Variants in KIAA2012 observed in about 807,000 individuals in gnomAD.
The protein encoded by KIAA2012 is KIAA2012.
A neutral mutation model predicts 150.6 loss-of-function variants in KIAA2012; 125 were observed. The ratio of observed to expected loss-of-function variants is 0.83; its 90% CI spans 0.72 to 0.96. KIAA2012 has a LOEUF of 0.96. KIAA2012 is among the 40% of genes least tolerant of loss of function. KIAA2012 has a pLI of 0.00. For synonymous variants in KIAA2012, 462 were observed against 504.7 expected, an observed-to-expected ratio of 0.92 and a Z score of 1.13; for missense variants, 1,219 against 1,354.9, an observed-to-expected ratio of 0.90 and a Z score of 1.57.
At chr2:202,188,758 C>T (rs1298178371) in intron 18 of KIAA2012, among the ~76,000 whole-genome samples, 1 of 152,166 alleles carries the variant, frequency 6.6e-6, no homozygotes, top group Admixed American at 6.5e-5. Flanking sequence ...ATAACTATAT[C>T]ACATAATCAG....
intron 5 of KIAA2012, 114 bp from the exon 6 acceptor site, chr2:202,099,499 C>A: frequency 2.4e-6 from 2 of 819,734 alleles, no homozygotes; most frequent in Non-Finnish European, 3.7e-6. Flanking sequence ...TCCCAACCTG[C>A]AAAAGAAATT....
At position 202,189,630 on chromosome 2, in the gene KIAA2012, T is replaced by C. The variant is rs370550918; in HGVS notation, c.2492-544T>C. Among the ~76,000 whole-genome samples, 44 of 152,206 alleles carry C rather than the reference T, an allele frequency of 2.9e-4. 1 individual carries two copies. The South Asian group carries it at 9.1e-3, about 32-fold the overall frequency. ...TAATAGCAAGACTGCTGAATGTCAG[T>C]TGATCCAAAGAGGATAAGGTAGTTT... On this transcript the variant is annotated intron_variant, in intron 18 of 23. Coordinates refer to ENST00000498697, the MANE Select transcript of KIAA2012 (RefSeq NM_001277372.4).
intron 2 of KIAA2012, among the ~76,000 whole-genome samples, chr2:202,089,491 T>C (rs564176209): frequency 2.0e-5 from 3 of 152,358 alleles, no homozygotes; most frequent in Non-Finnish European, 4.4e-5. Context: ...GATGTGAATT[T>C]TGAAGCCCTA....
At chr2:202,076,608 T>C (rs1013121786) in intron 2 of KIAA2012, among the ~76,000 whole-genome samples, 4 of 152,222 alleles carry the variant, frequency 2.6e-5, no homozygotes, top group Admixed American at 6.5e-5. Flanking sequence ...CTGTGCGATA[T>C]AGTTTTTCTT....
intron 23 of KIAA2012, among the ~76,000 whole-genome samples, chr2:202,203,243 G>GAAAATTTTGTAATGC (rs886466149): frequency 6.6e-6 from 1 of 152,090 alleles, no homozygotes; most frequent in Admixed American, 6.6e-5. Context: ...TTAGATAAAT[G>GAAAATTTTGTAATGC]AAAATTTTGT....
intron 15 of KIAA2012, among the ~76,000 whole-genome samples, chr2:202,174,834 A>G (rs146723885): frequency 2.0e-5 from 3 of 152,216 alleles, no homozygotes; most frequent in African/African-American, 7.2e-5. Context: ...TTTAGGGTAC[A>G]TGTGCACAAT....
At chr2:202,076,881 G>A (rs574093522) in intron 2 of KIAA2012, 2 of 438,246 alleles carry the variant, frequency 4.6e-6, no homozygotes, top group East Asian at 1.4e-4. Flanking sequence ...CAGGCAGGTT[G>A]ACCACAGGCT....
intron 2 of KIAA2012, among the ~76,000 whole-genome samples, chr2:202,086,807 T>C (rs1481517940): frequency 6.6e-6 from 1 of 152,226 alleles, no homozygotes; most frequent in Non-Finnish European, 1.5e-5. Flanking sequence ...AGCTGTCTCC[T>C]TCCCACTCTG....
intron 12 of KIAA2012, among the ~76,000 whole-genome samples, chr2:202,133,126 A>G (rs1187612214): frequency 1.4e-5 from 1 of 72,534 alleles, no homozygotes; most frequent in African/African-American, 5.6e-5. Context: ...ATATATATAT[A>G]TATATTTTTT....
chr2:202,196,206 T>C (rs1035076248), intron 21 of KIAA2012, among the ~76,000 whole-genome samples: 2 of 139,140 alleles, frequency 1.4e-5, no homozygotes, highest in Non-Finnish European at 3.1e-5. Flanking sequence ...TTTTTTTTTT[T>C]TTTTTTGAGA....
intron 11 of KIAA2012, 101 bp from the exon 12 acceptor site, chr2:202,125,113 C>T (rs941137529): frequency 4.3e-6 from 4 of 929,764 alleles, no homozygotes; most frequent in African/African-American, 1.7e-5. Flanking sequence ...AGCTTAAACA[C>T]TGAGGCAATC....
At chr2:202,195,025 C>T (rs1692390521) in intron 21 of KIAA2012, among the ~76,000 whole-genome samples, 1 of 151,874 alleles carries the variant, frequency 6.6e-6, no homozygotes, top group Non-Finnish European at 1.5e-5. Flanking sequence ...GCCTTGGCCT[C>T]CCAAAGTGCT....
intron 3 of KIAA2012, 133 bp downstream of exon 3, chr2:202,091,062 C>A: frequency 2.5e-6 from 3 of 1,193,582 alleles, no homozygotes; most frequent in Non-Finnish European, 3.4e-6. Context: ...AAAGTCCCCA[C>A]GCTTGGTAGC....
chr2:202,139,287 C>A (rs1691147810), intron 13 of KIAA2012, among the ~76,000 whole-genome samples: 1 of 150,894 alleles, frequency 6.6e-6, no homozygotes, highest in African/African-American at 2.4e-5. Context: ...CATATGTTCA[C>A]AAATATTTAT....
intron 4 of KIAA2012, among the ~76,000 whole-genome samples, chr2:202,094,255 C>T (rs1328774061): frequency 1.3e-5 from 2 of 152,228 alleles, no homozygotes; most frequent in African/African-American, 4.8e-5. Context: ...TGCACTGCAG[C>T]CTGGATGACA....
intron 12 of KIAA2012, among the ~76,000 whole-genome samples, chr2:202,126,255 C>T (rs1480882098): frequency 6.6e-6 from 1 of 151,980 alleles, no homozygotes; most frequent in African/African-American, 2.4e-5. Context: ...TCCTGGCCTC[C>T]TGGCTGCTTC....
At chr2:202,088,995 C>G (rs1336973596) in intron 2 of KIAA2012, among the ~76,000 whole-genome samples, 2 of 152,214 alleles carry the variant, frequency 1.3e-5, no homozygotes, top group Non-Finnish European at 2.9e-5. Context: ...ATCCAAGGCT[C>G]TTTCCCAAGC....
intron 10 of KIAA2012, among the ~76,000 whole-genome samples, chr2:202,112,128 T>A (rs1690374347): frequency 6.6e-6 from 1 of 152,168 alleles, no homozygotes; most frequent in African/African-American, 2.4e-5. Flanking sequence ...AATGAGGTGA[T>A]GTAGGGTAAG....
chr2:202,157,898 T>C (rs1217277594), intron 14 of KIAA2012, among the ~76,000 whole-genome samples: 2 of 152,220 alleles, frequency 1.3e-5, no homozygotes, highest in African/African-American at 4.8e-5. Context: ...AGGAAGATTT[T>C]CTGACCCCAC....
Sources: gnomAD v4.1 joint callset for allele counts (sites outside exome capture counted in the v4.1 genomes callset) on GRCh38, gnomAD v4.1.1 for gene constraint, MANE v1.5 for transcripts, NCBI Gene and HGNC (gene_info 2026-07-23, HGNC 2026-07-21) for gene names.